UHRF2: variants seen among roughly 807,000 people sequenced by gnomAD.
The protein encoded by UHRF2 is ubiquitin like with PHD and ring finger domains 2.
In UHRF2, 23 loss-of-function variants were observed where a neutral mutation model predicts 96.8. That is an observed-to-expected ratio of 0.24 (90% CI 0.17 to 0.34). The LOEUF (loss-of-function observed/expected upper bound fraction) is 0.34. Ranked by LOEUF, UHRF2 falls within the 10% of genes least tolerant of loss-of-function variation. The probability of loss-of-function intolerance (pLI) is 1.00; values close to 1 mark genes in which losing one functional copy is unlikely to be tolerated. For synonymous variants in UHRF2, 385 were observed against 332.6 expected (o/e 1.16, Z -1.72); for missense variants, 685 against 981.5 (o/e 0.70, Z 4.04).
chr9:6,501,850 G>T (rs1227945770), intron 14 of UHRF2, among the ~76,000 whole-genome samples: 1 of 152,192 alleles, frequency 6.6e-6, no homozygotes, highest in Non-Finnish European at 1.5e-5. Context: ...GAAAGATAGG[G>T]CTTGTTAGTG....
In UHRF2 at chr9:6,499,825, C is replaced by A; in HGVS notation, c.1909-10C>A. The A allele has an allele frequency of 6.3e-7, 1 of 1,593,064 alleles. No individual in the cohort carries two copies. The highest frequency in any genetic ancestry group is 8.6e-7 in the Non-Finnish European group (1 of 1,165,584). ...TCTGCATTGTACTCTCCCTCCTCCC[C>A]CCCCATCAGTATCCAGCAGGTTACC... On this transcript the variant is annotated splice_polypyrimidine_tract_variant and intron_variant, in intron 12 of 15. Transcript: ENST00000276893.
chr9:6,460,414 A>G (rs1404911582), intron 3 of UHRF2, among the ~76,000 whole-genome samples, 159 bp from the exon 4 acceptor site: 5 of 152,194 alleles, frequency 3.3e-5, no homozygotes, highest in African/African-American at 1.2e-4. Context: ...CAGGTGAGAA[A>G]CCAACATGAA....
At chr9:6,452,815 T>A (rs985892058) in intron 3 of UHRF2, among the ~76,000 whole-genome samples, 1 of 152,054 alleles carries the variant, frequency 6.6e-6, no homozygotes, top group Non-Finnish European at 1.5e-5. Flanking sequence ...CAGTTTGGGG[T>A]GTAGATGGTT....
intron 3 of UHRF2, among the ~76,000 whole-genome samples, chr9:6,455,489 T>C (rs530219681): frequency 6.6e-6 from 1 of 152,318 alleles, no homozygotes; most frequent in South Asian, 2.1e-4. Flanking sequence ...TATGGCTGCA[T>C]AATATTCCAT....
At chr9:6,425,188 T>C (rs1033240626) in intron 2 of UHRF2, among the ~76,000 whole-genome samples, 1 of 152,178 alleles carries the variant, frequency 6.6e-6, no homozygotes, top group Admixed American at 6.5e-5. Context: ...CTACAAAAAA[T>C]TATTTAAAAT....
chr9:6,503,714 A>G (rs1587890747), intron 14 of UHRF2, among the ~76,000 whole-genome samples: 1 of 152,304 alleles, frequency 6.6e-6, no homozygotes, highest in Middle Eastern at 3.4e-3. Flanking sequence ...TGAATAGATA[A>G]TACATGTTCA....
At chr9:6,478,501 T>C (rs1823725256) in intron 6 of UHRF2, among the ~76,000 whole-genome samples, 1 of 152,216 alleles carries the variant, frequency 6.6e-6, no homozygotes, top group Admixed American at 6.5e-5. Context: ...AAGGCTCCAA[T>C]TATACTTGCC....
chr9:6,424,190 G>T (rs922256196), intron 2 of UHRF2, among the ~76,000 whole-genome samples: 2 of 152,188 alleles, frequency 1.3e-5, no homozygotes, highest in Non-Finnish European at 2.9e-5. Flanking sequence ...GGAGAGCTGA[G>T]AAAATGTTTT....
At chr9:6,421,287 T>C in intron 2 of UHRF2, 145 bp downstream of exon 2, 1 of 661,264 alleles carries the variant, frequency 1.5e-6, no homozygotes, top group Non-Finnish European at 2.6e-6. Context: ...AGTAGTCTTT[T>C]AAAAATTGAT....
intron 3 of UHRF2, among the ~76,000 whole-genome samples, chr9:6,434,904 C>T (rs779488865): frequency 7.2e-5 from 11 of 151,974 alleles, no homozygotes; most frequent in Non-Finnish European, 1.0e-4. Context: ...GATCCTGGCT[C>T]GCTGCAATCT....
rs1816511394 is a variant in UHRF2 at position 6,505,036 on chromosome 9, C to T, written c.2262+345C>T. ...GTTTTCATTAATAAATCATATAAAACAGTTTATACCTAGCATCATGCCCAG... is the reference window on the plus strand; with the variant it reads ...GTTTTCATTAATAAATCATATAAAATAGTTTATACCTAGCATCATGCCCAG... On this transcript the variant is annotated intron_variant, in intron 15 of 15. Transcript: ENST00000276893. 1.3e-5 allele frequency among the ~76,000 whole-genome samples: 2 copies of T among 152,146 alleles called. 1 individual carries two copies. Among genetic ancestry groups the T allele is most frequent in the South Asian group, 4.1e-4 (2 of 4,826 alleles).
intron 3 of UHRF2, among the ~76,000 whole-genome samples, chr9:6,450,096 A>G (rs1821762192): frequency 6.6e-6 from 1 of 152,196 alleles, no homozygotes; most frequent in Admixed American, 6.5e-5. Flanking sequence ...GAACCTGGGA[A>G]CAGACTTGGA....
chr9:6,430,911 A>T (rs924044667), intron 2 of UHRF2, among the ~76,000 whole-genome samples: 1 of 152,194 alleles, frequency 6.6e-6, no homozygotes, highest in Admixed American at 6.5e-5. Flanking sequence ...AGTTACATCA[A>T]TAAATTAAAA....
chr9:6,474,006 T>C (rs1398787689), intron 4 of UHRF2, among the ~76,000 whole-genome samples: 1 of 152,132 alleles, frequency 6.6e-6, no homozygotes, highest in Non-Finnish European at 1.5e-5. Flanking sequence ...ATTTATAGAT[T>C]AGAGACTTTT....
At chr9:6,416,533 ATCTT>A (rs1489875002) in intron 1 of UHRF2, among the ~76,000 whole-genome samples, 2 of 138,120 alleles carry the variant, frequency 1.4e-5, no homozygotes, top group Non-Finnish European at 3.1e-5. Flanking sequence ...GGATCTCTAA[ATCTT>A]TTTTTTTTTT....
rs372580087 is a variant in UHRF2 at position 6,443,822 on chromosome 9, A to T, written c.644+9649A>T. On this transcript the variant is annotated intron_variant, in intron 3 of 15. Transcript: ENST00000276893. ...TTTTGTGGGTAACTTAGGCTAGGCT[A>T]TAATTAAAAACTCATCTGGCAAACG... Among the ~76,000 whole-genome samples the T allele has an allele frequency of 4.9e-4, 74 of 152,366 alleles. No homozygotes were observed. The East Asian group carries it at 0.012, about 24-fold the overall frequency.
chr9:6,497,657 A>G (rs534483743), intron 11 of UHRF2, among the ~76,000 whole-genome samples: 3 of 151,908 alleles, frequency 2.0e-5, no homozygotes, highest in South Asian at 4.2e-4. Context: ...CTTGATTTTT[A>G]TATATCTTTT....
intron 9 of UHRF2, among the ~76,000 whole-genome samples, chr9:6,488,701 C>T (rs769782681): frequency 2.6e-5 from 4 of 151,748 alleles, no homozygotes; most frequent in African/African-American, 9.7e-5. Flanking sequence ...GGGGTTTCTC[C>T]ATATTGGCCA....
chr9:6,506,020 G>T lies in UHRF2; in HGVS notation c.2263-13G>T, dbSNP rs1816563726. The T allele has an allele frequency of 1.2e-6, 2 of 1,613,032 alleles. No homozygotes were observed. The highest frequency in any genetic ancestry group is 1.7e-5 in the Admixed American group (1 of 59,776). On this transcript the variant is annotated splice_polypyrimidine_tract_variant and intron_variant, in intron 15 of 15. Coordinates refer to ENST00000276893, the MANE Select transcript of UHRF2 (RefSeq NM_152896.3). Reference sequence around the variant, plus strand: ...TGCTCAGATTAAATTGGATGTTTTTGTTTTTACCATAGGATTGCCTACAGC... The same window carrying T: ...TGCTCAGATTAAATTGGATGTTTTTTTTTTTACCATAGGATTGCCTACAGC...
Sources: allele counts gnomAD v4.1 joint callset (sites outside exome capture counted in the v4.1 genomes callset), GRCh38; gene constraint gnomAD v4.1.1; transcripts MANE v1.5; gene names NCBI Gene and HGNC (gene_info 2026-07-23, HGNC 2026-07-21).